The following NFIB variants were observed in gnomAD, a reference collection of about 807,000 sequenced individuals.
The protein encoded by NFIB is nuclear factor I B.
In NFIB, 11 loss-of-function variants were observed where a neutral mutation model predicts 61.5. The observed-to-expected ratio is 0.18, with a 90% CI of 0.11 to 0.30. The LOEUF is 0.30. Ranked by LOEUF, NFIB falls within the 10% of genes least tolerant of loss-of-function variation. The pLI is 1.00. For missense variants in NFIB, 471 were observed against 608.9 expected (o/e 0.77, Z 2.38); for synonymous variants, 260 against 216.5 (o/e 1.20, Z -1.76).
intron 2 of NFIB, among the ~76,000 whole-genome samples, chr9:14,281,674 T>C (rs559796018): frequency 1.3e-4 from 20 of 152,330 alleles, no homozygotes; most frequent in South Asian, 4.1e-4. Flanking sequence ...CTCCATATAG[T>C]TGTGTTTTGA....
At chr9:14,488,608 G>A in the NFIB span, among the ~76,000 whole-genome samples, 13 of 152,114 alleles carry the variant, frequency 8.5e-5, no homozygotes, top group Non-Finnish European at 1.5e-5. Flanking sequence ...CCCAGTCCCT[G>A]GCTGGGGAAT....
the NFIB span, among the ~76,000 whole-genome samples, chr9:14,457,578 G>GTTT: frequency 1.8e-4 from 27 of 148,208 alleles, no homozygotes; most frequent in East Asian, 5.9e-4. Flanking sequence ...CCAGGAGCTG[G>GTTT]TTTTTTTTTT....
At chr9:14,479,870 CAAAAGA>C in the NFIB span, among the ~76,000 whole-genome samples, 5 of 151,540 alleles carry the variant, frequency 3.3e-5, no homozygotes, top group African/African-American at 9.7e-5. Flanking sequence ...TCCAACAAAT[CAAAAGA>C]AAAAGAGATC....
At chr9:14,218,725 G>A (rs150808721) in intron 2 of NFIB, among the ~76,000 whole-genome samples, 5 of 152,274 alleles carry the variant, frequency 3.3e-5, no homozygotes, top group Admixed American at 3.3e-4. Flanking sequence ...CTTTTCCCCA[G>A]GAGCTGAAAT....
the NFIB span, among the ~76,000 whole-genome samples, chr9:14,427,934 G>GTTTTTTTTTTTTTTTTTTTTTTTTTTTTT: frequency 3.5e-4 from 9 of 25,942 alleles, 1 homozygote; most frequent in Admixed American, 1.0e-3. Flanking sequence ...CTTTAATTCA[G>GTTTTTTTTTTTTTTTTTTTTTTTTTTTTT]TTGTTTTTTT....
chr9:14,338,310 C>T (rs982735292), intron 1 of NFIB, among the ~76,000 whole-genome samples: 2 of 152,032 alleles, frequency 1.3e-5, no homozygotes, highest in African/African-American at 4.8e-5. Flanking sequence ...AGGAGAATGG[C>T]GTGAACCCGG....
At chr9:14,165,145 A>G (rs1044636557) in intron 3 of NFIB, among the ~76,000 whole-genome samples, 2 of 152,150 alleles carry the variant, frequency 1.3e-5, no homozygotes, top group African/African-American at 4.8e-5. Flanking sequence ...TGAAAACAGC[A>G]CCAGGTCCAG....
the NFIB span, among the ~76,000 whole-genome samples, chr9:14,405,118 C>A: frequency 1.2e-4 from 19 of 152,136 alleles, no homozygotes; most frequent in Non-Finnish European, 2.2e-4. Context: ...TCCATAAAGT[C>A]CTCCCACTGG....
chr9:14,144,014 G>GTA, intron 6 of NFIB, among the ~76,000 whole-genome samples: 1 of 151,330 alleles, frequency 6.6e-6, no homozygotes, highest in East Asian at 1.9e-4. Flanking sequence ...GTGTGTGTGT[G>GTA]TGTGTGTGTG....
chr9:14,178,922 TG>T lies in NFIB; in HGVS notation c.616+804del, dbSNP rs1367016486. 3.9e-5 allele frequency among the ~76,000 whole-genome samples: 6 copies of T among 152,110 alleles called. No homozygotes were observed. In the East Asian group the frequency reaches 9.7e-4, roughly 25 times the overall value. ...GGACAGATGAGATTGTTTGGGGAGG[TG>T]GGGGGCATGTGTAGCTGGTTCGGGG... On this transcript the variant is annotated intron_variant, in intron 3 of 10. Coordinates refer to ENST00000380953, the MANE Select transcript of NFIB (RefSeq NM_001190737.2).
chr9:14,473,400 A>C, the NFIB span, among the ~76,000 whole-genome samples: 17 of 142,994 alleles, frequency 1.2e-4, no homozygotes, highest in Admixed American at 9.1e-4. Context: ...AAAGCCATGA[A>C]GAGGTTCCCA....
chr9:14,143,376 C>T lies in NFIB; in HGVS notation c.925+3313G>A, dbSNP rs534209202. Reference sequence around the variant, plus strand: ...ATATTATATCCTTTATTTTTGCCTACTCAGAATAAATCTCAATGGTTTAGG... The same window carrying T: ...ATATTATATCCTTTATTTTTGCCTATTCAGAATAAATCTCAATGGTTTAGG... On this transcript the variant is annotated intron_variant, in intron 6 of 10. Transcript: ENST00000380953. Among the ~76,000 whole-genome samples, 171 of 151,894 alleles carry T rather than the reference C, an allele frequency of 1.1e-3. 1 individual carries two copies. Among genetic ancestry groups the T allele is most frequent in the Non-Finnish European group, 2.2e-3 (148 of 67,906 alleles).
At chr9:14,217,854 C>CA (rs1404286579) in intron 2 of NFIB, among the ~76,000 whole-genome samples, 2 of 151,890 alleles carry the variant, frequency 1.3e-5, no homozygotes, top group East Asian at 1.9e-4. Context: ...AGAACACTTA[C>CA]AAAAAATACT....
chr9:14,456,873 G>T, the NFIB span, among the ~76,000 whole-genome samples: 115 of 152,248 alleles, frequency 7.6e-4, no homozygotes, highest in Middle Eastern at 3.4e-3. Flanking sequence ...TGTGTGAAAT[G>T]GCAATGGCAA....
intron 10 of NFIB, among the ~76,000 whole-genome samples, chr9:14,092,491 G>A (rs1176257311): frequency 6.6e-6 from 1 of 151,986 alleles, no homozygotes; most frequent in Admixed American, 6.6e-5. Flanking sequence ...TTATGACTCA[G>A]ATCTGTCTGA....
intron 2 of NFIB, among the ~76,000 whole-genome samples, chr9:14,282,483 C>T (rs1325994109): frequency 6.6e-6 from 1 of 152,196 alleles, no homozygotes; most frequent in African/African-American, 2.4e-5. Flanking sequence ...TGGTGGACCA[C>T]TTTGCAAAAG....
At chr9:14,523,136 C>T in the NFIB span, among the ~76,000 whole-genome samples, 1 of 151,946 alleles carries the variant, frequency 6.6e-6, no homozygotes, top group Non-Finnish European at 1.5e-5. Context: ...AAATTTACTT[C>T]ATGAGAGCCC....
At chr9:14,373,502 G>C (rs531250030) in intron 1 of NFIB, among the ~76,000 whole-genome samples, 57 of 152,032 alleles carry the variant, frequency 3.7e-4, no homozygotes, top group Non-Finnish European at 7.6e-4. Context: ...TATTGTTTTA[G>C]ACTCATTGCC....
the NFIB span, among the ~76,000 whole-genome samples, chr9:14,499,013 C>T: frequency 1.3e-5 from 2 of 150,912 alleles, no homozygotes; most frequent in East Asian, 2.0e-4. Flanking sequence ...TGTGTGTGTA[C>T]GTGCACATGT....
Sources: gnomAD v4.1 joint callset for allele counts (sites outside exome capture counted in the v4.1 genomes callset) on GRCh38, gnomAD v4.1.1 for gene constraint, MANE v1.5 for transcripts, NCBI Gene and HGNC (gene_info 2026-07-23, HGNC 2026-07-21) for gene names.